The following GNG2 variants were observed in gnomAD, a reference collection of about 807,000 sequenced individuals.
The protein encoded by GNG2 is guanine nucleotide-binding protein G(I)/G(S)/G(O) subunit gamma-2.
GNG2 carries 5 observed loss-of-function variants against 5.5 expected under a neutral mutation model. The observed-to-expected ratio is 0.91, with a 90% CI of 0.48 to 1.92. The LOEUF is 1.92. Ranked by LOEUF, GNG2 falls within the 30% of genes most tolerant of loss-of-function variation. The pLI is 0.01. For missense variants in GNG2, 55 were observed against 88.4 expected (o/e 0.62, Z 1.52); for synonymous variants, 28 against 32.0 (o/e 0.88, Z 0.42).
rs1594940469 is a variant in GNG2, at chr14:51,939,711, C to CA, written c.-29-10938dup. 4 of 152,314 alleles carry CA rather than the reference C, an allele frequency of 2.6e-5. No homozygotes were observed. The East Asian group carries it at 7.7e-4, about 29-fold the overall frequency. The allele number at this position is 152,314 out of a possible 1,614,324, so 9.4% of individuals were successfully genotyped here. ...GGTTATTTTCTTCCTTCTTGACCCCCACAGCAAGTTTGGTTGTTGGGGTTT... is the reference window on the plus strand; with the variant it reads ...GGTTATTTTCTTCCTTCTTGACCCCCAACAGCAAGTTTGGTTGTTGGGGTTT... On this transcript the variant is annotated intron_variant, in intron 2 of 3. Coordinates refer to ENST00000556766, the MANE Select transcript of GNG2 (RefSeq NM_053064.5).
intron 1 of GNG2, among the ~76,000 whole-genome samples, chr14:51,876,514 C>T (rs888162434): frequency 6.6e-6 from 1 of 152,090 alleles, no homozygotes. Flanking sequence ...AGTGCCGGGC[C>T]CAGAACCCCC....
intron 2 of GNG2, among the ~76,000 whole-genome samples, chr14:51,944,324 G>T (rs899448999): frequency 1.3e-5 from 2 of 152,194 alleles, no homozygotes; most frequent in African/African-American, 4.8e-5. Flanking sequence ...CCTGGTGAGG[G>T]TTCTCTTCCT....
intron 2 of GNG2, among the ~76,000 whole-genome samples, chr14:51,839,368 C>T (rs557551487): frequency 1.3e-5 from 2 of 152,148 alleles, no homozygotes; most frequent in Non-Finnish European, 2.9e-5. Flanking sequence ...TTCTGATTAG[C>T]GTTTACAAAA....
At chr14:51,947,369 C>T (rs79794406) in intron 2 of GNG2, among the ~76,000 whole-genome samples, 1,788 of 152,112 alleles carry the variant, frequency 0.012, 40 homozygotes, top group African/African-American at 0.041. Context: ...TCTGTGTGGG[C>T]GCAATGTAGT....
chr14:51,835,286 G>A (rs749674507), intron 2 of GNG2, among the ~76,000 whole-genome samples: 9 of 152,166 alleles, frequency 5.9e-5, no homozygotes, highest in Admixed American at 4.6e-4. Context: ...GAAAGACTGG[G>A]CATCTAGGCT....
At chr14:51,908,519 A>G (rs972576184) in intron 2 of GNG2, among the ~76,000 whole-genome samples, 3 of 126,202 alleles carry the variant, frequency 2.4e-5, no homozygotes, top group African/African-American at 5.6e-5. Flanking sequence ...GATCTGTCAT[A>G]TTTTAAAGAT....
intron 2 of GNG2, among the ~76,000 whole-genome samples, chr14:51,829,597 C>T (rs572279033): frequency 1.3e-5 from 2 of 152,196 alleles, no homozygotes; most frequent in South Asian, 4.1e-4. Context: ...TCCCATATTG[C>T]CCTCCACTGA....
intron 1 of GNG2, among the ~76,000 whole-genome samples, chr14:51,868,121 T>A (rs1463440323): frequency 6.6e-6 from 1 of 152,256 alleles, no homozygotes; most frequent in East Asian, 1.9e-4. Flanking sequence ...AGAAATATAA[T>A]TACAATAGAA....
chr14:51,944,374 G>A (rs1888522525), intron 2 of GNG2, among the ~76,000 whole-genome samples: 1 of 152,194 alleles, frequency 6.6e-6, no homozygotes, highest in Non-Finnish European at 1.5e-5. Flanking sequence ...TACTCACATG[G>A]CTGAGAGGAA....
chr14:51,828,331 C>A (rs992285829), intron 2 of GNG2, among the ~76,000 whole-genome samples: 5 of 152,184 alleles, frequency 3.3e-5, no homozygotes, highest in Non-Finnish European at 7.4e-5. Flanking sequence ...CGGATTGTTT[C>A]CCCCAGCAGG....
At chr14:51,907,623 T>G (rs1370695675) in intron 2 of GNG2, among the ~76,000 whole-genome samples, 1 of 152,260 alleles carries the variant, frequency 6.6e-6, no homozygotes, top group East Asian at 1.9e-4. Context: ...TTTGAACCAC[T>G]GCCTGTCTCA....
At chr14:51,942,661 C>T (rs1888412988) in intron 2 of GNG2, among the ~76,000 whole-genome samples, 1 of 138,666 alleles carries the variant, frequency 7.2e-6, no homozygotes. Flanking sequence ...TGGACTCAAA[C>T]AATCCTCCCT....
chr14:51,909,803 A>C (rs1886185518), intron 2 of GNG2, among the ~76,000 whole-genome samples: 1 of 152,250 alleles, frequency 6.6e-6, no homozygotes, highest in African/African-American at 2.4e-5. Flanking sequence ...CCAGAAATGA[A>C]GAGAAATGGA....
chr14:51,914,725 A>G (rs551933950), intron 2 of GNG2, among the ~76,000 whole-genome samples: 2 of 152,332 alleles, frequency 1.3e-5, no homozygotes, highest in African/African-American at 4.8e-5. Context: ...ACTGATCCTC[A>G]TGGGCTATTA....
At chr14:51,885,155 A>C (rs998704709) in intron 2 of GNG2, among the ~76,000 whole-genome samples, 12 of 152,204 alleles carry the variant, frequency 7.9e-5, no homozygotes, top group African/African-American at 2.9e-4. Flanking sequence ...GTTGTGACTA[A>C]AAGAGTTTTG....
At chr14:51,964,472 AG>A (rs1177252020) in intron 3 of GNG2, among the ~76,000 whole-genome samples, 1 of 152,174 alleles carries the variant, frequency 6.6e-6, no homozygotes, top group East Asian at 1.9e-4. Context: ...CTTCATTCTT[AG>A]GGGTTTGCAA....
chr14:51,879,472 A>G (rs990919742), intron 2 of GNG2, among the ~76,000 whole-genome samples: 1 of 152,234 alleles, frequency 6.6e-6, no homozygotes, highest in African/African-American at 2.4e-5. Flanking sequence ...CTGCTGTAAC[A>G]AATTATTACA....
intron 2 of GNG2, among the ~76,000 whole-genome samples, chr14:51,890,345 C>A (rs1884768751): frequency 6.6e-6 from 1 of 152,150 alleles, no homozygotes; most frequent in African/African-American, 2.4e-5. Flanking sequence ...TTCCCCTGCC[C>A]TCAAAAATCT....
At chr14:51,891,738 C>T (rs1360084735) in intron 2 of GNG2, among the ~76,000 whole-genome samples, 1 of 152,172 alleles carries the variant, frequency 6.6e-6, no homozygotes, top group Non-Finnish European at 1.5e-5. Flanking sequence ...ATGTACATAG[C>T]TGTAGTTTAC....
Sources: gnomAD v4.1 joint callset for allele counts (sites outside exome capture counted in the v4.1 genomes callset) on GRCh38, gnomAD v4.1.1 for gene constraint, MANE v1.5 for transcripts, NCBI Gene and HGNC (gene_info 2026-07-23, HGNC 2026-07-21) for gene names.